The following VWA3A variants were observed in gnomAD, a reference collection of about 807,000 sequenced individuals.
The protein encoded by VWA3A is von Willebrand factor A domain-containing protein 3A.
A neutral mutation model predicts 160.4 loss-of-function variants in VWA3A; 134 were observed. The ratio of observed to expected loss-of-function variants is 0.84; its 90% CI spans 0.73 to 0.96. The LOEUF is 0.96. Among genes scored for constraint, VWA3A ranks in the 40% least tolerant of loss-of-function variants. The pLI, the probability that VWA3A is intolerant of heterozygous loss-of-function variation, is 0.00. For synonymous variants in VWA3A, 476 were observed against 543.4 expected (o/e 0.88, Z 1.72); for missense variants, 1,310 against 1,447.9 (o/e 0.90, Z 1.55).
chr16:22,132,906 C>T lies in VWA3A; in HGVS notation c.1879C>T (p.Leu627Phe). ...GGIPDQDMPT[L>F]SAYMAEACGG... ...ACCTTCTCTTCCCCACCAGCCTACA[C>T]TCAGTGCCTACATGGCTGAGGCCTG... The change falls in exon 20 of 34, where the codon CTC becomes TTC. Residue 627 changes from leucine to phenylalanine, a missense_variant. Transcript: ENST00000389398. The T allele has an allele frequency of 6.2e-7, 1 of 1,613,254 alleles. No homozygotes were observed. Among genetic ancestry groups the T allele is most frequent in the Non-Finnish European group, 8.5e-7 (1 of 1,179,790 alleles).
At chr16:22,106,801 C>T (rs540497739) in intron 6 of VWA3A, among the ~76,000 whole-genome samples, 3 of 152,132 alleles carry the variant, frequency 2.0e-5, no homozygotes, top group South Asian at 2.1e-4. Flanking sequence ...TGGGCGAGAA[C>T]GATGGAGGCT....
intron 6 of VWA3A, among the ~76,000 whole-genome samples, chr16:22,107,456 G>C (rs1319126746): frequency 6.6e-6 from 1 of 152,188 alleles, no homozygotes; most frequent in African/African-American, 2.4e-5. Flanking sequence ...ATAAAGAAGA[G>C]AGTGGCCAGG....
intron 8 of VWA3A, among the ~76,000 whole-genome samples, chr16:22,114,356 A>G (rs1454242264): frequency 3.9e-5 from 6 of 152,242 alleles, no homozygotes; most frequent in Non-Finnish European, 8.8e-5. Context: ...ATAGCCACAC[A>G]GCCATAAAGC....
Position 22,138,389 on chromosome 16 carries a change from C to A in VWA3A, c.2169C>A (p.Asn723Lys), listed in dbSNP as rs1440031744. ...CCTTCCTCATGGCCTCCCTGAAGAA[C>A]CATTCAGGAAAAGTACTGGGAAGTT... ...KCAFLMASLK[N>K]HSGKVLGSSA... is the part of the protein sequence containing the mutation. The change falls in exon 22 of 34, where the codon AAC becomes AAA. Residue 723 changes from asparagine to lysine, a missense_variant. By Grantham distance (94) the Asn-to-Lys change is moderately conservative. Transcript: ENST00000389398. 3 of 1,605,476 alleles carry A rather than the reference C, an allele frequency of 1.9e-6. No individual in the cohort carries two copies. Among genetic ancestry groups the A allele is most frequent in the Non-Finnish European group, 8.5e-7 (1 of 1,176,192 alleles).
At chr16:22,103,409 T>A in intron 5 of VWA3A, 66 bp from the exon 6 acceptor site, 1 of 1,407,544 alleles carries the variant, frequency 7.1e-7, no homozygotes, top group Middle Eastern at 1.8e-4. Context: ...CTTTTGTGTA[T>A]GTAAGTGGCT....
At chr16:22,128,186 C>G (rs1278525137) in intron 17 of VWA3A, among the ~76,000 whole-genome samples, 4 of 152,118 alleles carry the variant, frequency 2.6e-5, no homozygotes, top group African/African-American at 9.7e-5. Context: ...TCACGAGTTT[C>G]CTGTGCTATA....
At chr16:22,138,096 G>A (rs1038516349) in intron 21 of VWA3A, among the ~76,000 whole-genome samples, 1 of 152,194 alleles carries the variant, frequency 6.6e-6, no homozygotes. Flanking sequence ...CATAGCTGAT[G>A]TGACTTGTTG....
At chr16:22,147,425 A>T in intron 27 of VWA3A, 1 of 601,794 alleles carries the variant, frequency 1.7e-6, no homozygotes. Flanking sequence ...AGACAGGCAG[A>T]CAGCTAGAAC....
Position 22,119,002 on chromosome 16 carries a change from A to T in VWA3A, c.1091A>T (p.Glu364Val). Residue 364 changes from glutamate (E) to valine (V), a missense_variant, in exon 12 of 34, where the codon GAG (glutamate) becomes GTG (valine). Coordinates refer to ENST00000389398, the MANE Select transcript of VWA3A (RefSeq NM_173615.5). ...GCCCTGCAGCACAGCAGCCCCTGTG[A>T]GGCGCTCACCTGCACCATGGAGGAG... Reference protein sequence around the residue: ...VQALQHSSPCEALTCTMEEIS... With the variant: ...VQALQHSSPCVALTCTMEEIS... 6.2e-7 allele frequency: 1 copy of T among 1,613,246 alleles called. No individual in the cohort carries two copies. The highest frequency in any genetic ancestry group is 1.1e-5 in the South Asian group (1 of 90,978).
At chr16:22,152,748 C>T in intron 31 of VWA3A, 114 bp downstream of exon 31, 1 of 1,464,672 alleles carries the variant, frequency 6.8e-7, no homozygotes, top group East Asian at 2.6e-5. Context: ...CCCACCTCGG[C>T]CTCCCAAAAT....
intron 16 of VWA3A, 70 bp from the exon 17 acceptor site, chr16:22,126,108 G>GT: frequency 3.1e-6 from 5 of 1,595,298 alleles, no homozygotes; most frequent in Non-Finnish European, 4.3e-6. Context: ...ACTTTAAATA[G>GT]TAAAATGGAA....
At chr16:22,102,612 GC>G (rs2045423572) in intron 5 of VWA3A, among the ~76,000 whole-genome samples, 1 of 152,106 alleles carries the variant, frequency 6.6e-6, no homozygotes, top group Admixed American at 6.5e-5. Context: ...ATGCAATAAG[GC>G]AAGTTCAAGA....
chr16:22,147,694 T>C (rs1350179875), intron 27 of VWA3A: 9 of 701,430 alleles, frequency 1.3e-5, no homozygotes, highest in Non-Finnish European at 2.3e-5. Flanking sequence ...CGTGAGCCTC[T>C]CTCCACCCTC....
intron 19 of VWA3A, chr16:22,132,648 C>A: frequency 2.0e-6 from 1 of 504,530 alleles, no homozygotes; most frequent in Non-Finnish European, 3.5e-6. Context: ...GGCAGGCTTC[C>A]AGGGGATGTG....
At chr16:22,149,355 C>T (rs1433986058) in intron 28 of VWA3A, among the ~76,000 whole-genome samples, 2 of 152,130 alleles carry the variant, frequency 1.3e-5, no homozygotes, top group Non-Finnish European at 2.9e-5. Flanking sequence ...TCTCCCACCT[C>T]AGCCTCCCAA....
intron 23 of VWA3A, 75 bp from the exon 24 acceptor site, chr16:22,141,507 C>A: frequency 1.4e-6 from 2 of 1,415,300 alleles, no homozygotes; most frequent in Non-Finnish European, 2.0e-6. Flanking sequence ...ACTTGAGTGT[C>A]TCTAAGCCAA....
At chr16:22,123,354 A>T in intron 15 of VWA3A, 189 bp downstream of exon 15, 87 of 320,326 alleles carry the variant, frequency 2.7e-4, no homozygotes, top group Non-Finnish European at 3.6e-4. Flanking sequence ...CAATGCCTTT[A>T]AAAAAAAAAA....
At position 22,132,945 on chromosome 16, in the gene VWA3A, C is replaced by G; in HGVS notation, c.1918C>G (p.Leu640Val). The change falls in exon 20 of 34, where the codon CTC (leucine) becomes GTC (valine). Residue 640 changes from leucine to valine, a missense_variant. By Grantham distance (32) the Leu-to-Val change is conservative (BLOSUM62 1). Transcript: ENST00000389398. Reference sequence around the variant, plus strand: ...GGCTGAGGCCTGTGGCGGCTGCGACCTCCAGCTGAACGTGTGTCTCTTCTA... The same window carrying G: ...GGCTGAGGCCTGTGGCGGCTGCGACGTCCAGCTGAACGTGTGTCTCTTCTA... ...YMAEACGGCDLQLNVCLFYVG... is the reference protein window; with the variant it reads ...YMAEACGGCDVQLNVCLFYVG... The G allele has an allele frequency of 6.2e-7, 1 of 1,613,938 alleles. No individual in the cohort carries two copies. The highest frequency in any genetic ancestry group is 8.5e-7 in the Non-Finnish European group (1 of 1,179,904).
At chr16:22,143,230 A>G (rs909409887) in intron 25 of VWA3A, among the ~76,000 whole-genome samples, 2 of 152,056 alleles carry the variant, frequency 1.3e-5, no homozygotes, top group Non-Finnish European at 2.9e-5. Context: ...ATAGACCTAA[A>G]TTCAAAATCT....
Sources: gnomAD v4.1 joint callset for allele counts (sites outside exome capture counted in the v4.1 genomes callset) on GRCh38, gnomAD v4.1.1 for gene constraint, MANE v1.5 for transcripts, NCBI Gene and HGNC (gene_info 2026-07-23, HGNC 2026-07-21) for gene names.